Variants in UNC13D observed in about 807,000 individuals in gnomAD.
The protein encoded by UNC13D is unc-13 homolog D.
A neutral mutation model predicts 151.7 loss-of-function variants in UNC13D; 115 were observed. The ratio of observed to expected loss-of-function variants is 0.76; its 90% CI spans 0.65 to 0.88. UNC13D has a LOEUF of 0.88. UNC13D is among the 40% of genes least tolerant of loss of function. The pLI is 0.00. For missense variants in UNC13D, 1,369 were observed against 1,438.7 expected, an observed-to-expected ratio of 0.95 and a Z score of 0.78; for synonymous variants, 588 against 612.2, an observed-to-expected ratio of 0.96 and a Z score of 0.58.
intron 12 of UNC13D, among the ~76,000 whole-genome samples, chr17:75,837,762 A>G (rs1488572898): frequency 1.3e-5 from 2 of 151,844 alleles, no homozygotes; most frequent in Non-Finnish European, 2.9e-5. Context: ...CTCAAAAAAA[A>G]AAAAGAAAAG....
chr17:75,840,581 G>A lies in UNC13D; in HGVS notation c.684-5C>T, dbSNP rs374984588. ...TTCCGGGCCTCTTTAAAGATCCTGC[G>A]TCAGGCAGGGTCCCATAAGGGGGAC... On this transcript the variant is annotated splice_polypyrimidine_tract_variant and splice_region_variant and intron_variant, in intron 8 of 31. Transcript: ENST00000207549. The surrounding 1 kb of genome is among the most constrained non-coding windows in gnomAD (Gnocchi z 4.6). The A allele has an allele frequency of 7.8e-5, 126 of 1,613,794 alleles. No homozygotes were observed. Among genetic ancestry groups the A allele is most frequent in the African/African-American group, 1.2e-4 (9 of 74,866 alleles).
rs17581728 is a variant in UNC13D, at chr17:75,834,915, C to T, written c.1992+5G>A. On this transcript the variant is annotated splice_donor_5th_base_variant and intron_variant, in intron 21 of 31. Transcript: ENST00000207549. ...AGGGGGAAGGACACGTGGAAGATGC[C>T]GCACCTCCACAAACTTGACGGTAAT... 0.21 allele frequency: 346,668 copies of T among 1,613,612 alleles called. 38,465 individuals are homozygous for T. Among genetic ancestry groups the T allele is most frequent in the Non-Finnish European group, 0.23 (273,466 of 1,179,934 alleles).
chr17:75,835,214 A>G, intron 20 of UNC13D, 151 bp from the exon 21 acceptor site: 1 of 1,442,626 alleles, frequency 6.9e-7, no homozygotes, highest in Non-Finnish European at 9.4e-7. Context: ...CCCAGGCTGC[A>G]GGATCTCAGG....
At chr17:75,829,230 G>T (rs2062143943) in intron 30 of UNC13D, among the ~76,000 whole-genome samples, 1 of 152,252 alleles carries the variant, frequency 6.6e-6, no homozygotes, top group Admixed American at 6.5e-5. Flanking sequence ...GAGAACCTCA[G>T]AGACAGGACC....
Position 75,828,871 on chromosome 17 carries a change from G to T in UNC13D, c.3067C>A (p.Arg1023Ser). The T allele has an allele frequency of 6.2e-7, 1 of 1,600,474 alleles. No individual in the cohort carries two copies. Among genetic ancestry groups the T allele is most frequent in the Non-Finnish European group, 8.5e-7 (1 of 1,176,558 alleles). Reference protein sequence around the residue: ...DLEGEAFLPLREVPGLSGSEE... With the variant: ...DLEGEAFLPLSEVPGLSGSEE... ...GAGCCACTCAGCCCGGGCACCTCACGCAGCGGCAGGAAGGCCTCGCCTTCC... is the reference window on the plus strand; with the variant it reads ...GAGCCACTCAGCCCGGGCACCTCACTCAGCGGCAGGAAGGCCTCGCCTTCC... The change falls in exon 31 of 32, where the codon CGT becomes AGT. Residue 1023 changes from arginine (R) to serine (S), a missense_variant. Arg to Ser is a moderately radical substitution (Grantham distance 110, BLOSUM62 -1). Transcript: ENST00000207549.
chr17:75,840,489 T>C lies in UNC13D; in HGVS notation c.753+18A>G. On this transcript the variant is annotated intron_variant, in intron 9 of 31. Coordinates refer to ENST00000207549, the MANE Select transcript of UNC13D (RefSeq NM_199242.3). This position sits in a 1 kb window ranked among gnomAD's most constrained non-coding sequence, Gnocchi z 4.6. ...TCCCTCTGCCTCGCTCCTGGGCCCC[T>C]TTCCTCATCCTCCTCACCTGCAGCC... 2 of 1,593,818 alleles carry C rather than the reference T, an allele frequency of 1.3e-6. No individual in the cohort carries two copies. Among genetic ancestry groups the C allele is most frequent in the Non-Finnish European group, 1.7e-6 (2 of 1,166,450 alleles).
rs569582051 is a variant in UNC13D, at chr17:75,829,991, G to A, written c.2954+37C>T. 5.1e-6 allele frequency: 8 copies of A among 1,565,112 alleles called. No individual in the cohort carries two copies. In the Admixed American group the frequency reaches 7.7e-5, roughly 15 times the overall value. On this transcript the variant is annotated intron_variant, in intron 30 of 31. Coordinates refer to ENST00000207549, the MANE Select transcript of UNC13D (RefSeq NM_199242.3). ...CTGAGGGAGCCCAGTGGGGAGAGATGAGGGGAGGGACTGGGAGAAGAACGG... is the reference window on the plus strand; with the variant it reads ...CTGAGGGAGCCCAGTGGGGAGAGATAAGGGGAGGGACTGGGAGAAGAACGG...
At chr17:75,829,952 C>T in intron 30 of UNC13D, 76 bp downstream of exon 30, 1 of 1,551,110 alleles carries the variant, frequency 6.4e-7, no homozygotes, top group Non-Finnish European at 8.7e-7. Flanking sequence ...TGGCCCCAGC[C>T]AGGAGGAGCA....
chr17:75,842,221 G>T (rs1364539944), intron 6 of UNC13D, among the ~76,000 whole-genome samples: 1 of 152,126 alleles, frequency 6.6e-6, no homozygotes, highest in Non-Finnish European at 1.5e-5. Context: ...GACCCTCCTT[G>T]CCCCATCAGC....
rs139837456 is a variant in UNC13D at position 75,834,663 on chromosome 17, G to T, written c.2046C>A (p.Arg682=). The T allele has an allele frequency of 2.5e-6, 4 of 1,613,600 alleles. No homozygotes were observed. In the African/African-American group the frequency reaches 5.3e-5, roughly 22 times the overall value. ...GGTCCTTCTGGCCTGAAGAGAGCTC[G>T]CGGGCCCGGGCCTTTATAAGGCTGC... is the stretch of plus-strand genomic sequence containing the variant. ...VYCSLIKARA[R]ELSSGQKDQG... Residue 682 remains arginine (R), a synonymous_variant, in exon 22 of 32, where the codon CGC becomes CGA. Coordinates refer to ENST00000207549, the MANE Select transcript of UNC13D (RefSeq NM_199242.3).
chr17:75,836,545 C>T lies in UNC13D; in HGVS notation c.1298+27G>A, dbSNP rs561819334. Reference sequence around the variant, plus strand: ...AGCTGCTCCCTCATCCCTGACCCCACCGAGGAAGAGGAAGGCAGCCACTGA... The same window carrying T: ...AGCTGCTCCCTCATCCCTGACCCCATCGAGGAAGAGGAAGGCAGCCACTGA... On this transcript the variant is annotated intron_variant, in intron 14 of 31. Coordinates refer to ENST00000207549, the MANE Select transcript of UNC13D (RefSeq NM_199242.3). The T allele has an allele frequency of 9.3e-6, 15 of 1,613,272 alleles. No homozygotes were observed. In the South Asian group the frequency reaches 1.6e-4, roughly 18 times the overall value.
chr17:75,829,028 C>T (rs1361495072), intron 30 of UNC13D, 45 bp from the exon 31 acceptor site: 1 of 1,585,830 alleles, frequency 6.3e-7, no homozygotes. Context: ...AGCACAGCCA[C>T]CCCAGCCTCG....
rs1368240852 is a variant in UNC13D at position 75,834,610 on chromosome 17, G to A, written c.2091+8C>T. 6.2e-7 allele frequency: 1 copy of A among 1,613,666 alleles called. No individual in the cohort carries two copies. The highest frequency in any genetic ancestry group is 1.3e-5 in the African/African-American group (1 of 74,932). On this transcript the variant is annotated splice_region_variant and intron_variant, in intron 22 of 31. Transcript: ENST00000207549. The stretch of plus-strand genomic sequence containing the variant: ...CAGCTAGACTCCCAGCCCCAGCTCT[G>A]GCCTTACCATGTTGGCTGCCTGGCC...
chr17:75,842,452 A>C lies in UNC13D; in HGVS notation c.550T>G (p.Trp184Gly). ...ACGTACAGGATGAAGGTCTCGTCCC[A>C]GACGGGGTTGAGTGTCTGGGTGATG... ...QVITQTLNPV[W>G]DETFILEFED... The change falls in exon 6 of 32, where the codon TGG (tryptophan) becomes GGG (glycine). Residue 184 changes from tryptophan (W) to glycine (G), a missense_variant. By Grantham distance (184) the Trp-to-Gly change is radical (BLOSUM62 -2). Around this residue, in one of 3 missense-constraint regions of UNC13D, gnomAD observed 550 missense variants for 609.0 expected, o/e 0.90. Coordinates refer to ENST00000207549, the MANE Select transcript of UNC13D (RefSeq NM_199242.3). The C allele has an allele frequency of 1.9e-6, 3 of 1,612,928 alleles. No individual in the cohort carries two copies. The highest frequency in any genetic ancestry group is 2.5e-6 in the Non-Finnish European group (3 of 1,179,620).
In UNC13D at chr17:75,843,525, G is replaced by C; in HGVS notation, c.118-6C>G. 6.2e-7 allele frequency: 1 copy of C among 1,611,504 alleles called. No individual in the cohort carries two copies. The highest frequency in any genetic ancestry group is 8.5e-7 in the Non-Finnish European group (1 of 1,179,358). Reference sequence around the variant, plus strand: ...TGGTGGGATGGAGGCTGGATCTGCAGAGCAAGGTGGAAAGGCAGTGTCCCG... The same window carrying C: ...TGGTGGGATGGAGGCTGGATCTGCACAGCAAGGTGGAAAGGCAGTGTCCCG... On this transcript the variant is annotated splice_region_variant and splice_polypyrimidine_tract_variant and intron_variant, in intron 1 of 31. Coordinates refer to ENST00000207549, the MANE Select transcript of UNC13D (RefSeq NM_199242.3).
intron 1 of UNC13D, 109 bp downstream of exon 1, chr17:75,844,112 T>C (rs2064969140): frequency 1.3e-6 from 2 of 1,525,640 alleles, no homozygotes; most frequent in Non-Finnish European, 1.8e-6. Flanking sequence ...GGAGGGTCGC[T>C]GGTCCCCAGT....
chr17:75,842,818 C>T, intron 5 of UNC13D, 39 bp downstream of exon 5: 1 of 1,612,194 alleles, frequency 6.2e-7, no homozygotes, highest in Non-Finnish European at 8.5e-7. Context: ...GAGGAAGGAG[C>T]CAGGAAGAAG....
In UNC13D at chr17:75,835,423, C is replaced by T. The variant is rs2064900561; in HGVS notation, c.1834G>A (p.Val612Met). The T allele has an allele frequency of 1.9e-6, 3 of 1,612,552 alleles. No homozygotes were observed. The highest frequency in any genetic ancestry group is 2.2e-5 in the East Asian group (1 of 44,864). ...NEALARVQRA[V>M]QMDELVPLGE... ...CACGCCCCCACCTCATCCATCTGCACAGCGCGCTGCACCCGCGCCAGGGCC... is the reference window on the plus strand; with the variant it reads ...CACGCCCCCACCTCATCCATCTGCATAGCGCGCTGCACCCGCGCCAGGGCC... The change falls in exon 20 of 32, where the codon GTG becomes ATG. Residue 612 changes from valine to methionine, a missense_variant. Physicochemically the swap from Val to Met is conservative, Grantham distance 21 (BLOSUM62 1). This residue lies in a region of UNC13D where 807 missense variants were observed against 795.5 expected (regional missense o/e 1.01). Transcript: ENST00000207549.
Position 75,827,564 on chromosome 17 carries a change from C to T in UNC13D, c.*401G>A. On this transcript the variant is annotated 3_prime_UTR_variant, in exon 32 of 32. Coordinates refer to ENST00000207549, the MANE Select transcript of UNC13D (RefSeq NM_199242.3). Reference sequence around the variant, plus strand: ...TTCCAGGAGACTCTGTGCCTGTAGCCCTGGTCCCAGTGAACCTGGCCCCCA... The same window carrying T: ...TTCCAGGAGACTCTGTGCCTGTAGCTCTGGTCCCAGTGAACCTGGCCCCCA... 1.3e-6 allele frequency: 2 copies of T among 1,535,272 alleles called. No individual in the cohort carries two copies. Among genetic ancestry groups the T allele is most frequent in the East Asian group, 4.9e-5 (2 of 40,906 alleles).
Sources: allele counts gnomAD v4.1 joint callset (sites outside exome capture counted in the v4.1 genomes callset), GRCh38; gene constraint gnomAD v4.1.1; regional missense constraint gnomAD v4.1.1; non-coding constraint Gnocchi (gnomAD v3.1); transcripts MANE v1.5; gene names NCBI Gene and HGNC (gene_info 2026-07-23, HGNC 2026-07-21).